The following NDUFS4 variants were observed in gnomAD, a reference collection of about 807,000 sequenced individuals.
The protein encoded by NDUFS4 is NADH:ubiquinone oxidoreductase subunit S4.
Under a neutral mutation model 24.3 loss-of-function variants are expected in NDUFS4, and 28 were observed. The ratio of observed to expected loss-of-function variants is 1.15; its 90% CI spans 0.85 to 1.58. The LOEUF (loss-of-function observed/expected upper bound fraction) is 1.58. NDUFS4 is among the 40% of genes most tolerant of loss of function. The pLI, the probability that NDUFS4 is intolerant of heterozygous loss-of-function variation, is 0.00. For missense variants in NDUFS4, 223 were observed against 207.9 expected (o/e 1.07, Z -0.45); for synonymous variants, 93 against 69.7 (o/e 1.34, Z -1.67).
chr5:53,604,251 T>C (rs1331626101), intron 2 of NDUFS4, among the ~76,000 whole-genome samples: 6 of 152,238 alleles, frequency 3.9e-5, no homozygotes, highest in Non-Finnish European at 8.8e-5. Flanking sequence ...TTTACCATTA[T>C]CAGTGTTTCT....
chr5:53,566,164 C>T (rs1749018891), intron 1 of NDUFS4, among the ~76,000 whole-genome samples: 1 of 152,042 alleles, frequency 6.6e-6, no homozygotes, highest in South Asian at 2.1e-4. Flanking sequence ...CAGGGCAAGA[C>T]TCCAAAAAAA....
chr5:53,600,699 C>T (rs933719171), intron 1 of NDUFS4, among the ~76,000 whole-genome samples: 1 of 152,170 alleles, frequency 6.6e-6, no homozygotes, highest in African/African-American at 2.4e-5. Flanking sequence ...AAAAACTTTT[C>T]TCCACATCTG....
At chr5:53,617,365 A>T (rs866154954) in intron 2 of NDUFS4, among the ~76,000 whole-genome samples, 6 of 151,944 alleles carry the variant, frequency 3.9e-5, no homozygotes, top group Non-Finnish European at 8.8e-5. Flanking sequence ...CTGACTATGT[A>T]GCTGTAGGTC....
chr5:53,620,684 T>G (rs966713595), intron 2 of NDUFS4, among the ~76,000 whole-genome samples: 17 of 152,222 alleles, frequency 1.1e-4, no homozygotes, highest in Non-Finnish European at 4.4e-5. Flanking sequence ...GTTTTTGTTT[T>G]GTTATAAAGC....
intron 1 of NDUFS4, among the ~76,000 whole-genome samples, chr5:53,571,679 C>A (rs756241794): frequency 7.9e-5 from 12 of 152,160 alleles, no homozygotes; most frequent in Non-Finnish European, 2.9e-5. Flanking sequence ...TTTGTATCCT[C>A]TCCAACTTTG....
In NDUFS4 at chr5:53,603,465, T is replaced by TC; in HGVS notation, c.114dup (p.Thr39HisfsTer18). The TC allele has an allele frequency of 6.2e-7, 1 of 1,613,772 alleles. No homozygotes were observed. The highest frequency in any genetic ancestry group is 8.5e-7 in the Non-Finnish European group (1 of 1,179,848). On this transcript the variant is annotated frameshift_variant, in exon 2 of 5. Coordinates refer to ENST00000296684, the MANE Select transcript of NDUFS4 (RefSeq NM_002495.4). LOFTEE classifies it high-confidence loss of function. ...CTTGCACTGCAGGTCGTTGAGGACT[T>TC]CCACATGGAGATTGGCACAGGACCA...
At chr5:53,661,405 C>G (rs1464590791) in intron 4 of NDUFS4, among the ~76,000 whole-genome samples, 3 of 152,098 alleles carry the variant, frequency 2.0e-5, no homozygotes, top group African/African-American at 7.2e-5. Flanking sequence ...TTACTGTAGC[C>G]TTGTAGTATA....
At chr5:53,582,327 C>A (rs1366872257) in intron 1 of NDUFS4, among the ~76,000 whole-genome samples, 2 of 152,126 alleles carry the variant, frequency 1.3e-5, no homozygotes, top group Non-Finnish European at 2.9e-5. Flanking sequence ...CCATTTATTT[C>A]AGTTCAGGGT....
At chr5:53,670,463 C>T (rs1752633179) in intron 4 of NDUFS4, among the ~76,000 whole-genome samples, 1 of 151,700 alleles carries the variant, frequency 6.6e-6, no homozygotes, top group Admixed American at 6.6e-5. Flanking sequence ...ATTTTTATTA[C>T]ATGAAGTGAT....
intron 1 of NDUFS4, among the ~76,000 whole-genome samples, chr5:53,586,780 C>T (rs1156604144): frequency 3.3e-5 from 5 of 151,830 alleles, no homozygotes; most frequent in Non-Finnish European, 5.9e-5. Context: ...GCCTTGGCCT[C>T]CTAAAGTGCT....
intron 1 of NDUFS4, among the ~76,000 whole-genome samples, chr5:53,595,313 A>G (rs1399730963): frequency 6.6e-6 from 1 of 152,160 alleles, no homozygotes; most frequent in Non-Finnish European, 1.5e-5. Context: ...ATTGTATTTA[A>G]TTTATAAGTT....
chr5:53,646,328 AAAC>A lies in NDUFS4; in HGVS notation c.278_280del (p.Asn93del), dbSNP rs754837052. 2 of 1,613,902 alleles carry A rather than the reference AAAC, an allele frequency of 1.2e-6. No individual in the cohort carries two copies. Among genetic ancestry groups the A allele is most frequent in the Non-Finnish European group, 1.7e-6 (2 of 1,179,838 alleles). On this transcript the variant is annotated inframe_deletion, in exon 3 of 5. Transcript: ENST00000296684. ...CTCGCAATAACATGCAGTCTGGAGTAAACAACACAAAGAAATGGAAGATGGAGT... is the reference window on the plus strand; with the variant it reads ...CTCGCAATAACATGCAGTCTGGAGTAAACACAAAGAAATGGAAGATGGAGT...
intron 4 of NDUFS4, among the ~76,000 whole-genome samples, chr5:53,675,157 CTTTTT>C (rs70983372): frequency 4.9e-5 from 5 of 102,948 alleles, no homozygotes; most frequent in East Asian, 3.4e-4. Context: ...AACAGAGTTC[CTTTTT>C]TTTTTTTTTT....
intron 1 of NDUFS4, chr5:53,573,622 T>C (rs1371381033): frequency 4.4e-6 from 2 of 451,994 alleles, no homozygotes; most frequent in Non-Finnish European, 8.9e-6. Context: ...AGGGCCTTGC[T>C]CTGTCATCCA....
chr5:53,612,180 T>G (rs1579872003), intron 2 of NDUFS4, among the ~76,000 whole-genome samples: 1 of 152,110 alleles, frequency 6.6e-6, no homozygotes, highest in East Asian at 1.9e-4. Context: ...TTGGCTGCTA[T>G]CTCTCCTTCA....
intron 2 of NDUFS4, among the ~76,000 whole-genome samples, chr5:53,612,342 ATAGT>A (rs1299338404): frequency 8.5e-5 from 13 of 152,094 alleles, no homozygotes; most frequent in East Asian, 3.8e-4. Context: ...CAAAGGTAGT[ATAGT>A]TAGTTAGATA....
intron 1 of NDUFS4, 57 bp downstream of exon 1, chr5:53,560,817 GTC>G: frequency 6.2e-7 from 1 of 1,610,976 alleles, no homozygotes; most frequent in Middle Eastern, 1.7e-4. Context: ...TTTTTGCGGA[GTC>G]TCTGCTGGCT....
chr5:53,669,161 A>T (rs890313820), intron 4 of NDUFS4, among the ~76,000 whole-genome samples: 2 of 152,178 alleles, frequency 1.3e-5, no homozygotes, highest in Admixed American at 1.3e-4. Flanking sequence ...CCTCTAGTCT[A>T]AACTGTTACG....
chr5:53,583,770 G>A (rs1749652120), intron 1 of NDUFS4, among the ~76,000 whole-genome samples: 1 of 152,132 alleles, frequency 6.6e-6, no homozygotes, highest in Admixed American at 6.5e-5. Flanking sequence ...ACGCACTGGT[G>A]GGAGTAAATT....
Sources: gnomAD v4.1 joint callset for allele counts (sites outside exome capture counted in the v4.1 genomes callset) on GRCh38, gnomAD v4.1.1 for gene constraint, MANE v1.5 for transcripts, NCBI Gene and HGNC (gene_info 2026-07-23, HGNC 2026-07-21) for gene names.